Variants in GALNT9 observed in about 807,000 individuals in gnomAD.
The protein encoded by GALNT9 is GalNAc transferase 9.
GALNT9 carries 47 observed loss-of-function variants against 63.1 expected under a neutral mutation model. The observed-to-expected ratio is 0.75, with a 90% CI of 0.59 to 0.95. The LOEUF is 0.95. GALNT9 is among the 40% of genes least tolerant of loss of function. The pLI, the probability that GALNT9 is intolerant of heterozygous loss-of-function variation, is 0.00. For synonymous variants in GALNT9, 396 were observed against 365.7 expected, an observed-to-expected ratio of 1.08 and a Z score of -0.94; for missense variants, 829 against 874.8, an observed-to-expected ratio of 0.95 and a Z score of 0.66.
Position 132,257,845 on chromosome 12 carries a change from C to T in GALNT9, c.803G>A (p.Arg268His), listed in dbSNP as rs782462825. Residue 268 changes from arginine (R) to histidine (H), a missense_variant, in exon 5 of 11, where the codon CGC (arginine) becomes CAC (histidine). Transcript: ENST00000328957. ...ALSRIREDRR[R>H]IVLPAIDNIK... ...GTTGTCGATGGCTGGCAGCACGATG[C>T]GACGCCGGTCCTCTCGGATCCGCGA... The T allele has an allele frequency of 3.6e-5, 55 of 1,548,812 alleles. No homozygotes were observed. Among genetic ancestry groups the T allele is most frequent in the Admixed American group, 5.9e-5 (3 of 50,980 alleles).
chr12:132,249,538 C>T (rs571552953), intron 5 of GALNT9, among the ~76,000 whole-genome samples: 6 of 152,102 alleles, frequency 3.9e-5, no homozygotes, highest in Non-Finnish European at 8.8e-5. Context: ...AATTTTAATA[C>T]CCCCCCTTGA....
intron 1 of GALNT9, among the ~76,000 whole-genome samples, chr12:132,307,595 A>C (rs1555244756): frequency 6.6e-6 from 1 of 151,258 alleles, no homozygotes; most frequent in African/African-American, 2.4e-5. Flanking sequence ...GCACTGTGGG[A>C]GGCCAAGGCG....
In GALNT9 at chr12:132,296,185, G is replaced by A. The variant is rs73475807; in HGVS notation, c.239-9755C>T. 0.031 allele frequency among the ~76,000 whole-genome samples: 4,675 copies of A among 151,932 alleles called. 232 individuals carry two copies. Among genetic ancestry groups the A allele is most frequent in the African/African-American group, 0.11 (4,413 of 41,442 alleles). Reference sequence around the variant, plus strand: ...CAGGGAGAGCCTCCGGAATAGGGACGGCCTCCGAACAGGGAGAGTGTCCGT... The same window carrying A: ...CAGGGAGAGCCTCCGGAATAGGGACAGCCTCCGAACAGGGAGAGTGTCCGT... On this transcript the variant is annotated intron_variant, in intron 1 of 10. Coordinates refer to ENST00000328957, the MANE Select transcript of GALNT9 (RefSeq NM_001122636.2). The surrounding 1 kb of genome is among the most constrained non-coding windows in gnomAD (Gnocchi z 4.2).
At chr12:132,235,379 C>G (rs1173574877) in intron 6 of GALNT9, among the ~76,000 whole-genome samples, 1 of 152,056 alleles carries the variant, frequency 6.6e-6, no homozygotes, top group African/African-American at 2.4e-5. Flanking sequence ...GGGGTAGAGC[C>G]AAGATTTGAA....
rs188299883 is a variant in GALNT9 at position 132,318,239 on chromosome 12, G to A, written c.238+10727C>T. Among the ~76,000 whole-genome samples, 496 of 152,360 alleles carry A rather than the reference G, an allele frequency of 3.3e-3. 2 individuals carry two copies. Among genetic ancestry groups the A allele is most frequent in the Middle Eastern group, 6.8e-3 (2 of 294 alleles). On this transcript the variant is annotated intron_variant, in intron 1 of 10. Transcript: ENST00000328957. ...ATAAAATGCTGACAGCCAAGGGCCT[G>A]AGCACAGCCCCTCTGGCCAGGCAAG...
At chr12:132,269,687 C>G (rs79247684) in intron 2 of GALNT9, among the ~76,000 whole-genome samples, 3 of 152,192 alleles carry the variant, frequency 2.0e-5, no homozygotes, top group Non-Finnish European at 2.9e-5. Context: ...AGGGCGGAAT[C>G]GTGAAATAGA....
chr12:132,210,479 TGTGG>T, intron 6 of GALNT9, among the ~76,000 whole-genome samples: 1 of 152,122 alleles, frequency 6.6e-6, no homozygotes, highest in Non-Finnish European at 1.5e-5. Flanking sequence ...ACTCATCACG[TGTGG>T]GTGCAGCTGG....
At position 132,197,145 on chromosome 12, in the gene GALNT9, A is replaced by G; in HGVS notation, c.1774T>C (p.Trp592Arg). The G allele has an allele frequency of 6.2e-7, 1 of 1,614,012 alleles. No individual in the cohort carries two copies. Among genetic ancestry groups the G allele is most frequent in the South Asian group, 1.1e-5 (1 of 91,082 alleles). Reference sequence around the variant, plus strand: ...TGTTTGATCCAGTTTCTGATCATCCACTTCTGCCCCGAGCACCTCTGTACC... The same window carrying G: ...TGTTTGATCCAGTTTCTGATCATCCGCTTCTGCCCCGAGCACCTCTGTACC... ...LVVQRCSGQK[W>R]MIRNWIKHAR... The change falls in exon 11 of 11, where the codon TGG becomes CGG. Residue 592 changes from tryptophan to arginine, a missense_variant. Trp to Arg is a moderately radical substitution (Grantham distance 101). Transcript: ENST00000328957.
In GALNT9 at chr12:132,286,211, C is replaced by A; in HGVS notation, c.419+39G>T. 1 of 1,523,996 alleles carries A rather than the reference C, an allele frequency of 6.6e-7. No individual in the cohort carries two copies. The highest frequency in any genetic ancestry group is 8.8e-7 in the Non-Finnish European group (1 of 1,130,932). The allele number at this position is 1,523,996 out of a possible 1,614,324, so 94.4% of individuals were successfully genotyped here. ...CCAGTGTGGGGGGCGGTCACTTCCT[C>A]GGCGGGCGTCGGGGGATGGGGGGCA... On this transcript the variant is annotated intron_variant, in intron 2 of 10. Coordinates refer to ENST00000328957, the MANE Select transcript of GALNT9 (RefSeq NM_001122636.2). This position sits in a 1 kb window ranked among gnomAD's most constrained non-coding sequence, Gnocchi z 7.4.
Position 132,249,875 on chromosome 12 carries a change from C to T in GALNT9, c.960-1848G>A, listed in dbSNP as rs375592780. Reference sequence around the variant, plus strand: ...TGTCACCGTGGTGACAGCCTCCCCTCGGGGCGGTTCCGCCACACGCGGGGC... The same window carrying T: ...TGTCACCGTGGTGACAGCCTCCCCTTGGGGCGGTTCCGCCACACGCGGGGC... On this transcript the variant is annotated intron_variant, in intron 5 of 10. Coordinates refer to ENST00000328957, the MANE Select transcript of GALNT9 (RefSeq NM_001122636.2). Among the ~76,000 whole-genome samples the T allele has an allele frequency of 3.2e-4, 48 of 152,294 alleles. No homozygotes were observed. The East Asian group carries it at 8.3e-3, about 26-fold the overall frequency.
chr12:132,278,075 C>T (rs1001275704), intron 2 of GALNT9: 2 of 147,002 alleles, frequency 1.4e-5, no homozygotes, highest in African/African-American at 4.9e-5. Context: ...TCTCTCTGGC[C>T]CCTGCGGGCT....
intron 6 of GALNT9, among the ~76,000 whole-genome samples, chr12:132,208,810 G>A (rs1414596998): frequency 6.6e-6 from 1 of 152,188 alleles, no homozygotes; most frequent in Non-Finnish European, 1.5e-5. Context: ...TCCAAGAGCT[G>A]ACCCATCCAT....
At chr12:132,272,465 G>A (rs1201121371) in intron 2 of GALNT9, among the ~76,000 whole-genome samples, 1 of 152,238 alleles carries the variant, frequency 6.6e-6, no homozygotes, top group Admixed American at 6.5e-5. Flanking sequence ...CTGTGGAAGT[G>A]CCTGGGCAGG....
chr12:132,268,923 G>A (rs1879759693), intron 2 of GALNT9, among the ~76,000 whole-genome samples: 1 of 152,262 alleles, frequency 6.6e-6, no homozygotes, highest in African/African-American at 2.4e-5. Flanking sequence ...CCCACGTGTG[G>A]CGGGTGGGGA....
chr12:132,301,082 C>T (rs1400093604), intron 1 of GALNT9, among the ~76,000 whole-genome samples: 1 of 152,258 alleles, frequency 6.6e-6, no homozygotes, highest in Non-Finnish European at 1.5e-5. Flanking sequence ...TTTTGTCACC[C>T]CCATGTAACT....
intron 6 of GALNT9, among the ~76,000 whole-genome samples, chr12:132,219,475 G>A (rs1310825219): frequency 3.3e-5 from 5 of 152,250 alleles, no homozygotes; most frequent in South Asian, 2.1e-4. Context: ...GACAGGTGCC[G>A]GGCGTGTGGC....
At position 132,262,479 on chromosome 12, in the gene GALNT9, AC is replaced by A. The variant is rs1879433483; in HGVS notation, c.565del (p.Val189TrpfsTer26). ...CTCACCGTTGTCACTGTTGTCGTCC[AC>A]CAGGATGACCTCCTTGAGGAGCTGG... ...PSQLLKEVIL[V>X]DDNSDNVELK... On this transcript the variant is annotated frameshift_variant, in exon 3 of 11. Transcript: ENST00000328957. LOFTEE classifies it high-confidence loss of function. 6.4e-7 allele frequency: 1 copy of A among 1,550,652 alleles called. No individual in the cohort carries two copies.
chr12:132,316,109 T>C lies in GALNT9; in HGVS notation c.238+12857A>G, dbSNP rs1593123284. 6.6e-6 allele frequency among the ~76,000 whole-genome samples: 1 copy of C among 152,176 alleles called. No individual in the cohort carries two copies. Among genetic ancestry groups the C allele is most frequent in the East Asian group, 1.9e-4 (1 of 5,170 alleles). On this transcript the variant is annotated intron_variant, in intron 1 of 10. Transcript: ENST00000328957. This position sits in a 1 kb window ranked among gnomAD's most constrained non-coding sequence, Gnocchi z 4.3. Reference sequence around the variant, plus strand: ...ATCAGCCTTTCGCCTCCTCTCTCACTGAAAGAAGAGGCAGGCAGAGGCAGG... The same window carrying C: ...ATCAGCCTTTCGCCTCCTCTCTCACCGAAAGAAGAGGCAGGCAGAGGCAGG...
chr12:132,325,954 C>G (rs1033059143), intron 1 of GALNT9, among the ~76,000 whole-genome samples: 1 of 152,274 alleles, frequency 6.6e-6, no homozygotes, highest in Non-Finnish European at 1.5e-5. Flanking sequence ...CGCGGGCGAC[C>G]GTGCTCCCTG....
Sources: allele counts gnomAD v4.1 joint callset (sites outside exome capture counted in the v4.1 genomes callset), GRCh38; gene constraint gnomAD v4.1.1; non-coding constraint Gnocchi (gnomAD v3.1); transcripts MANE v1.5; gene names NCBI Gene and HGNC (gene_info 2026-07-23, HGNC 2026-07-21).